CKAP5: variants seen among roughly 807,000 people sequenced by gnomAD.
The protein encoded by CKAP5 is cytoskeleton-associated protein 5.
A neutral mutation model predicts 232.8 loss-of-function variants in CKAP5; 27 were observed. The ratio of observed to expected loss-of-function variants is 0.12; its 90% CI spans 0.09 to 0.16. The LOEUF (loss-of-function observed/expected upper bound fraction) is 0.16, where lower values mean the gene tolerates loss of function less well. CKAP5 is among the 10% of genes least tolerant of loss of function. CKAP5 has a pLI of 1.00. For synonymous variants in CKAP5, 785 were observed against 841.1 expected, an observed-to-expected ratio of 0.93 and a Z score of 1.16; for missense variants, 1,838 against 2,424.7, an observed-to-expected ratio of 0.76 and a Z score of 5.08.
At chr11:46,821,123 G>A in intron 2 of CKAP5, 52 bp downstream of exon 2, 1 of 1,308,414 alleles carries the variant, frequency 7.6e-7, no homozygotes, top group Non-Finnish European at 1.1e-6. Flanking sequence ...TAGTATAACT[G>A]CTCACAAAAC....
chr11:46,799,961 A>G (rs1338462720), intron 9 of CKAP5, among the ~76,000 whole-genome samples: 1 of 152,082 alleles, frequency 6.6e-6, no homozygotes, highest in African/African-American at 2.4e-5. Context: ...AGATGGTGCC[A>G]CTGCACTCCA....
intron 24 of CKAP5, among the ~76,000 whole-genome samples, chr11:46,772,335 C>T (rs745699308): frequency 2.6e-5 from 4 of 151,938 alleles, no homozygotes; most frequent in Non-Finnish European, 5.9e-5. Flanking sequence ...ATCAACTTTC[C>T]TTTTATGGAT....
At chr11:46,768,099 AT>A (rs988984150) in intron 26 of CKAP5, among the ~76,000 whole-genome samples, 3 of 151,494 alleles carry the variant, frequency 2.0e-5, no homozygotes, top group Non-Finnish European at 2.9e-5. Flanking sequence ...CCTGGCTTAG[AT>A]TTTTTTTTCC....
Position 46,759,327 on chromosome 11 carries a change from C to G in CKAP5, c.4510G>C (p.Glu1504Gln). 2 of 1,614,148 alleles carry G rather than the reference C, an allele frequency of 1.2e-6. No individual in the cohort carries two copies. The highest frequency in any genetic ancestry group is 1.7e-6 in the Non-Finnish European group (2 of 1,180,030). ...DNGTVRCEMPELVQHKLDDIF... is the reference protein window; with the variant it reads ...DNGTVRCEMPQLVQHKLDDIF... ...TCATCCAGTTTGTGCTGAACAAGTT[C>G]TGGCATTTCACATCGGACTGTACCA... The change falls in exon 34 of 44, where the codon GAA becomes CAA. Residue 1504 changes from glutamate (E) to glutamine (Q), a missense_variant. Glu to Gln is a conservative substitution (Grantham distance 29, BLOSUM62 2). Coordinates refer to ENST00000529230, the MANE Select transcript of CKAP5 (RefSeq NM_001008938.4).
At chr11:46,787,744 T>C (rs1456051007) in intron 16 of CKAP5, among the ~76,000 whole-genome samples, 4 of 152,232 alleles carry the variant, frequency 2.6e-5, no homozygotes, top group Non-Finnish European at 5.9e-5. Context: ...TATATGGATG[T>C]ATACATATTT....
intron 1 of CKAP5, among the ~76,000 whole-genome samples, chr11:46,827,021 G>A (rs1939675120): frequency 6.6e-6 from 1 of 152,206 alleles, no homozygotes; most frequent in African/African-American, 2.4e-5. Flanking sequence ...CTGCTTCTAG[G>A]TCCTAGGCTT....
Position 46,808,094 on chromosome 11 carries a change from T to C in CKAP5, c.915A>G (p.Val305=), listed in dbSNP as rs1482705286. Residue 305 remains valine (V), a synonymous_variant, in exon 8 of 44, where the codon GTA becomes GTG. Transcript: ENST00000529230. ...CTTCCAGTTTGGGGTTTTTTATTAG[T>C]ACTTCTACAGACTCCAGGGCCTCTT... ...ERKEALESVE[V]LIKNPKLEAG... 1.2e-6 allele frequency: 2 copies of C among 1,614,080 alleles called. No homozygotes were observed. Among genetic ancestry groups the C allele is most frequent in the Non-Finnish European group, 1.7e-6 (2 of 1,179,974 alleles).
At chr11:46,844,416 AAAC>A (rs897438286) in intron 1 of CKAP5, among the ~76,000 whole-genome samples, 5 of 151,800 alleles carry the variant, frequency 3.3e-5, no homozygotes, top group Admixed American at 3.3e-4. Context: ...TGAAGGTAAA[AAAC>A]AAACAAACAA....
At chr11:46,810,308 C>T (rs1271176159) in intron 5 of CKAP5, among the ~76,000 whole-genome samples, 2 of 151,824 alleles carry the variant, frequency 1.3e-5, no homozygotes, top group Admixed American at 6.6e-5. Context: ...CCAGGGCAAA[C>T]AAGAAAGATT....
rs1232523535 is a variant in CKAP5, at chr11:46,770,036, C to A, written c.3249G>T (p.Lys1083Asn). Residue 1083 changes from lysine to asparagine, a missense_variant, in exon 26 of 44, where the codon AAG becomes AAT. Physicochemically the swap from Lys to Asn is moderately conservative, Grantham distance 94 (BLOSUM62 0). Around this residue, in one of 6 missense-constraint regions of CKAP5, gnomAD observed 767 missense variants for 954.6 expected, o/e 0.80. Transcript: ENST00000529230. ...AAGTTGCTTTAGTGGGTGGAGCAGG[C>A]TTGGCTGGCATGTTAACTTTGGCTT... Reference protein sequence around the residue: ...LEKAKVNMPAKPAPPTKATSK... With the variant: ...LEKAKVNMPANPAPPTKATSK... The A allele has an allele frequency of 6.2e-7, 1 of 1,613,978 alleles. No homozygotes were observed. Among genetic ancestry groups the A allele is most frequent in the African/African-American group, 1.3e-5 (1 of 74,928 alleles).
chr11:46,831,678 GCAC>G (rs897041974), intron 1 of CKAP5, among the ~76,000 whole-genome samples: 1 of 151,752 alleles, frequency 6.6e-6, no homozygotes, highest in African/African-American at 2.4e-5. Flanking sequence ...ACTGGGGCAT[GCAC>G]CACCACATCT....
chr11:46,807,110 C>A (rs910042496), intron 8 of CKAP5, among the ~76,000 whole-genome samples: 5 of 152,066 alleles, frequency 3.3e-5, no homozygotes, highest in African/African-American at 1.2e-4. Flanking sequence ...ACAGTGTTGT[C>A]GGCCAAGAGT....
intron 25 of CKAP5, 131 bp from the exon 26 acceptor site, chr11:46,770,229 G>C: frequency 2.3e-6 from 2 of 857,662 alleles, no homozygotes; most frequent in South Asian, 3.2e-5. Context: ...AGTAAGGGAG[G>C]CAGTACATGG....
chr11:46,833,886 T>C (rs996785284), intron 1 of CKAP5, among the ~76,000 whole-genome samples: 7 of 151,946 alleles, frequency 4.6e-5, no homozygotes, highest in South Asian at 4.2e-4. Flanking sequence ...TCATCATTAT[T>C]GAGATGGAGT....
chr11:46,797,515 CT>C (rs1314812194), intron 11 of CKAP5, among the ~76,000 whole-genome samples: 1 of 152,130 alleles, frequency 6.6e-6, no homozygotes, highest in African/African-American at 2.4e-5. Context: ...TCTTCAAATA[CT>C]CCACATTTGA....
intron 1 of CKAP5, among the ~76,000 whole-genome samples, chr11:46,823,375 A>G (rs1359386768): frequency 6.6e-6 from 1 of 152,228 alleles, no homozygotes; most frequent in African/African-American, 2.4e-5. Context: ...CATGATGAAC[A>G]CTAAAGTACG....
intron 3 of CKAP5, among the ~76,000 whole-genome samples, chr11:46,816,964 G>A (rs910587831): frequency 6.6e-6 from 1 of 151,894 alleles, no homozygotes; most frequent in Admixed American, 6.6e-5. Flanking sequence ...AAATTACTCA[G>A]GTGTGGTGGC....
intron 1 of CKAP5, among the ~76,000 whole-genome samples, chr11:46,829,104 G>C (rs1189472328): frequency 6.6e-6 from 1 of 152,128 alleles, no homozygotes; most frequent in African/African-American, 2.4e-5. Context: ...AGATGATATG[G>C]AAGACAGAAG....
intron 1 of CKAP5, among the ~76,000 whole-genome samples, chr11:46,829,057 T>A (rs954142796): frequency 6.6e-6 from 1 of 152,216 alleles, no homozygotes; most frequent in Non-Finnish European, 1.5e-5. Flanking sequence ...CATTCGTCTA[T>A]ACAAAAATTG....
Sources: gnomAD v4.1 joint callset for allele counts (sites outside exome capture counted in the v4.1 genomes callset) on GRCh38, gnomAD v4.1.1 for gene constraint, gnomAD v4.1.1 regional missense constraint, MANE v1.5 for transcripts, NCBI Gene and HGNC (gene_info 2026-07-23, HGNC 2026-07-21) for gene names.